C17orf78: variants seen among roughly 807,000 people sequenced by gnomAD.
C17orf78 encodes the protein uncharacterized protein C17orf78.
In C17orf78, 27 loss-of-function variants were observed where a neutral mutation model predicts 31.8. The ratio of observed to expected loss-of-function variants is 0.85; its 90% confidence interval spans 0.63 to 1.17. The LOEUF (loss-of-function observed/expected upper bound fraction) is 1.17, where lower values mean the gene tolerates loss of function less well. Ranked by LOEUF, C17orf78 falls within the 50% of genes most tolerant of loss-of-function variation. C17orf78 has a pLI of 0.00. For missense variants in C17orf78, 258 were observed against 315.2 expected (o/e 0.82, Z 1.37); for synonymous variants, 106 against 115.1 (o/e 0.92, Z 0.51).
chr17:37,382,061 C>T (rs148182514), intron 3 of C17orf78, among the ~76,000 whole-genome samples: 1 of 151,988 alleles, frequency 6.6e-6, no homozygotes, highest in East Asian at 1.9e-4. Flanking sequence ...TTAATAAATT[C>T]TTTTCCCCTC....
chr17:37,387,237 A>C (rs1242140744), intron 4 of C17orf78: 2 of 152,334 alleles, frequency 1.3e-5, no homozygotes, highest in Non-Finnish European at 2.9e-5. Context: ...CTCCTGCCTC[A>C]GCCTCCTGAG....
chr17:37,385,327 G>C (rs2050477640), intron 3 of C17orf78, among the ~76,000 whole-genome samples: 1 of 152,086 alleles, frequency 6.6e-6, no homozygotes, highest in Non-Finnish European at 1.5e-5. Context: ...ATAAAAATTA[G>C]CCGGGTGCGA....
chr17:37,390,304 T>TTTTATATATATATATATTA (rs1201500381), intron 6 of C17orf78, among the ~76,000 whole-genome samples: 1 of 17,988 alleles, frequency 5.6e-5, no homozygotes, highest in Non-Finnish European at 8.1e-5. Context: ...TTATACATAA[T>TTTTATATATATATATATTA]TATATATATA....
chr17:37,388,644 C>T, intron 4 of C17orf78, 26 bp from the exon 5 acceptor site: 1 of 1,606,454 alleles, frequency 6.2e-7, no homozygotes, highest in South Asian at 1.1e-5. Context: ...TCTTTTCTCC[C>T]TCTTCCACTC....
intron 3 of C17orf78, among the ~76,000 whole-genome samples, chr17:37,385,533 C>T (rs555204450): frequency 6.6e-6 from 1 of 152,140 alleles, no homozygotes; most frequent in Admixed American, 6.6e-5. Context: ...GGTGGCTTTT[C>T]CTTCTTCCAG....
intron 3 of C17orf78, among the ~76,000 whole-genome samples, chr17:37,379,951 T>C (rs537420560): frequency 0.019 from 2,840 of 149,292 alleles, 85 homozygotes; most frequent in African/African-American, 0.066. Context: ...CTATAAATCA[T>C]GCTGCTATAA....
Position 37,379,126 on chromosome 17 carries a change from TCTC to T in C17orf78, c.146-8_146-6del, listed in dbSNP as rs749751295. 1.9e-6 allele frequency: 3 copies of T among 1,608,856 alleles called. No individual in the cohort carries two copies. Among genetic ancestry groups the T allele is most frequent in the Non-Finnish European group, 2.5e-6 (3 of 1,177,822 alleles). ...CAGCTCCATTTTTCTATCTGGTTCT[TCTC>T]CTTCCAGAAACTCACACAGAAACCA... is the stretch of plus-strand genomic sequence containing the variant. On this transcript the variant is annotated splice_polypyrimidine_tract_variant and splice_region_variant and intron_variant, in intron 2 of 6. Transcript: ENST00000615133.
At chr17:37,381,512 A>AT (rs1308856813) in intron 3 of C17orf78, among the ~76,000 whole-genome samples, 1 of 151,222 alleles carries the variant, frequency 6.6e-6, no homozygotes, top group African/African-American at 2.4e-5. Context: ...ATTTAATAAT[A>AT]TATCTTATAG....
At chr17:37,383,767 C>T (rs185210128) in intron 3 of C17orf78, among the ~76,000 whole-genome samples, 112 of 152,282 alleles carry the variant, frequency 7.4e-4, no homozygotes, top group African/African-American at 2.6e-3. Flanking sequence ...TGGTCTCAAG[C>T]TCCTGTCCTC....
At chr17:37,386,929 C>A (rs1007688628) in intron 4 of C17orf78, 2 of 152,008 alleles carry the variant, frequency 1.3e-5, no homozygotes, top group Admixed American at 6.6e-5. Context: ...GTGATCCCCC[C>A]ACCTCAGCCT....
chr17:37,380,372 A>C (rs185449283), intron 3 of C17orf78, among the ~76,000 whole-genome samples: 5,761 of 151,808 alleles, frequency 0.038, 159 homozygotes, highest in Non-Finnish European at 0.055. Context: ...ACATGTATAC[A>C]TATGTAACTA....
chr17:37,384,677 A>G (rs1044506804), intron 3 of C17orf78, among the ~76,000 whole-genome samples: 3 of 152,136 alleles, frequency 2.0e-5, no homozygotes, highest in Non-Finnish European at 4.4e-5. Context: ...GACTAGCACT[A>G]TGATGAAAAT....
At chr17:37,390,235 TA>T (rs557211139) in intron 6 of C17orf78, among the ~76,000 whole-genome samples, 902 of 51,402 alleles carry the variant, frequency 0.018, 55 homozygotes, top group African/African-American at 0.11. Flanking sequence ...TAATTATATA[TA>T]ATATATTATA....
chr17:37,390,586 C>G (rs1173294728), intron 6 of C17orf78, among the ~76,000 whole-genome samples: 1 of 149,086 alleles, frequency 6.7e-6, no homozygotes, highest in East Asian at 2.0e-4. Flanking sequence ...GAGATTGCGC[C>G]ACTATACTCC....
chr17:37,381,717 T>A lies in C17orf78; in HGVS notation c.391+2335T>A, dbSNP rs968237448. Among the ~76,000 whole-genome samples the A allele has an allele frequency of 1.4e-5, 2 of 146,116 alleles. 1 individual carries two copies. The highest frequency in any genetic ancestry group is 4.3e-4 in the East Asian group (2 of 4,606). On this transcript the variant is annotated intron_variant, in intron 3 of 6. Transcript: ENST00000615133. ...ATCTCAGCTCACTGCAAGCTCCGCC[T>A]CTCGGGTTCACGCCATTCTCCTGCC...
Position 37,377,861 on chromosome 17 carries a change from C to T in C17orf78, c.59-18C>T. 6.2e-7 allele frequency: 1 copy of T among 1,605,734 alleles called. No individual in the cohort carries two copies. Among genetic ancestry groups the T allele is most frequent in the Non-Finnish European group, 8.5e-7 (1 of 1,173,592 alleles). ...AAACCTTCCCCGGTTCCCCTCCTCC[C>T]CCTCTGCTCACCCCCAGACCTCAGA... is the stretch of plus-strand genomic sequence containing the variant. On this transcript the variant is annotated intron_variant, in intron 1 of 6. Transcript: ENST00000615133.
chr17:37,381,787 C>G (rs576187865), intron 3 of C17orf78, among the ~76,000 whole-genome samples: 2 of 151,894 alleles, frequency 1.3e-5, no homozygotes, highest in African/African-American at 4.8e-5. Context: ...GCCACCACAC[C>G]CAGTTAATTT....
intron 3 of C17orf78, among the ~76,000 whole-genome samples, chr17:37,383,370 A>G (rs1294306440): frequency 6.6e-6 from 1 of 152,192 alleles, no homozygotes; most frequent in Non-Finnish European, 1.5e-5. Context: ...CCAGAGAAAA[A>G]GAAACTCTTC....
intron 3 of C17orf78, among the ~76,000 whole-genome samples, chr17:37,385,117 C>T (rs2050468249): frequency 6.6e-6 from 1 of 152,052 alleles, no homozygotes; most frequent in South Asian, 2.1e-4. Flanking sequence ...TAACAGGTTA[C>T]CCTCCTTCTA....
Sources: allele counts gnomAD v4.1 joint callset (sites outside exome capture counted in the v4.1 genomes callset), GRCh38; gene constraint gnomAD v4.1.1; transcripts MANE v1.5; gene names NCBI Gene and HGNC (gene_info 2026-07-23, HGNC 2026-07-21).